Variants in IQCM observed in about 807,000 individuals in gnomAD.
IQCM encodes IQ domain-containing protein M.
Under a neutral mutation model 57.6 loss-of-function variants are expected in IQCM, and 45 were observed. The ratio of observed to expected loss-of-function variants is 0.78; its 90% CI spans 0.62 to 1.00. IQCM has a LOEUF of 1.00. Ranked by LOEUF, IQCM falls within the 50% of genes least tolerant of loss-of-function variation. The pLI is 0.00. For missense variants in IQCM, 468 were observed against 511.6 expected, an observed-to-expected ratio of 0.91 and a Z score of 0.82; for synonymous variants, 148 against 158.9, an observed-to-expected ratio of 0.93 and a Z score of 0.51.
At chr4:149,407,118 T>C (rs945453492) in intron 13 of IQCM, among the ~76,000 whole-genome samples, 1 of 152,088 alleles carries the variant, frequency 6.6e-6, no homozygotes, top group African/African-American at 2.4e-5. Context: ...ACTTACTCAC[T>C]ACGATGAGAA....
intron 13 of IQCM, among the ~76,000 whole-genome samples, chr4:149,384,687 C>T (rs1731295590): frequency 1.3e-5 from 2 of 151,970 alleles, no homozygotes; most frequent in African/African-American, 4.8e-5. Context: ...GAACCCCTCT[C>T]TAACTACACA....
intron 13 of IQCM, among the ~76,000 whole-genome samples, chr4:149,392,171 G>C (rs1280985044): frequency 6.7e-6 from 1 of 148,224 alleles, no homozygotes; most frequent in African/African-American, 2.5e-5. Flanking sequence ...GTAGGTTAAT[G>C]TATCTTATAG....
chr4:149,430,568 T>C (rs924791213), intron 13 of IQCM, among the ~76,000 whole-genome samples: 7 of 152,024 alleles, frequency 4.6e-5, no homozygotes, highest in Admixed American at 2.0e-4. Context: ...TTGCATTTTC[T>C]AGTATTTTAC....
At chr4:149,729,159 AAT>A (rs1491463497) in intron 5 of IQCM, among the ~76,000 whole-genome samples, 1 of 152,228 alleles carries the variant, frequency 6.6e-6, no homozygotes, top group Non-Finnish European at 1.5e-5. Context: ...TTGAATAGAC[AAT>A]GATTTTGTCC....
rs146914631 is a variant in IQCM, at chr4:149,378,208, C to T, written c.1391-26142G>A. Among the ~76,000 whole-genome samples the T allele has an allele frequency of 7.7e-3, 1,176 of 152,114 alleles. 23 individuals are homozygous for T. Among genetic ancestry groups the T allele is most frequent in the African/African-American group, 0.027 (1,117 of 41,490 alleles). ...TTAAAGGCTCTGTCTTCATCAGCAGCGTGAAAATGGACTAACACAGTAAAT... is the reference window on the plus strand; with the variant it reads ...TTAAAGGCTCTGTCTTCATCAGCAGTGTGAAAATGGACTAACACAGTAAAT... On this transcript the variant is annotated intron_variant, in intron 13 of 13. Transcript: ENST00000636793.
rs117211733 is a variant in IQCM, at chr4:149,796,397, A to G, written c.-49+18914T>C. 1.5e-4 allele frequency among the ~76,000 whole-genome samples: 23 copies of G among 152,316 alleles called. No individual in the cohort carries two copies. In the East Asian group the frequency reaches 4.3e-3, roughly 28 times the overall value. On this transcript the variant is annotated intron_variant, in intron 2 of 13. Transcript: ENST00000636793. ...TTAAGTGCCAGCTCAGCCTCAGTAC[A>G]GTAGAATACCAGGTAGACTTCTAAG...
intron 12 of IQCM, among the ~76,000 whole-genome samples, chr4:149,473,833 G>A (rs2149735376): frequency 6.6e-6 from 1 of 152,326 alleles, no homozygotes; most frequent in Non-Finnish European, 1.5e-5. Context: ...TAGGGACATG[G>A]ATGAAGCTGG....
chr4:149,606,555 T>A (rs937893891), intron 8 of IQCM, among the ~76,000 whole-genome samples: 1 of 152,110 alleles, frequency 6.6e-6, no homozygotes, highest in African/African-American at 2.4e-5. Context: ...CCTCACCAAA[T>A]TGACAAAATA....
At chr4:149,371,627 T>C in intron 13 of IQCM, among the ~76,000 whole-genome samples, 1 of 152,182 alleles carries the variant, frequency 6.6e-6, no homozygotes, top group East Asian at 1.9e-4. Flanking sequence ...CGATGAAAAC[T>C]AAGATTAGTC....
intron 12 of IQCM, among the ~76,000 whole-genome samples, chr4:149,544,562 A>G (rs550259085): frequency 1.3e-5 from 2 of 152,302 alleles, no homozygotes; most frequent in African/African-American, 4.8e-5. Context: ...ATTACATGAA[A>G]CTATAAAAGT....
intron 12 of IQCM, among the ~76,000 whole-genome samples, chr4:149,473,204 A>C (rs1310116650): frequency 6.6e-6 from 1 of 152,230 alleles, no homozygotes; most frequent in Non-Finnish European, 1.5e-5. Flanking sequence ...GAATGGGAGA[A>C]AAGTTTTGCA....
At chr4:149,549,397 A>T (rs981101713) in intron 11 of IQCM, among the ~76,000 whole-genome samples, 1 of 151,360 alleles carries the variant, frequency 6.6e-6, no homozygotes, top group Non-Finnish European at 1.5e-5. Flanking sequence ...GGGCGCCTGT[A>T]GTCCCAGCTA....
intron 5 of IQCM, among the ~76,000 whole-genome samples, chr4:149,702,446 A>C (rs1484148296): frequency 6.6e-6 from 1 of 151,922 alleles, no homozygotes; most frequent in Non-Finnish European, 1.5e-5. Flanking sequence ...AAACATGTTA[A>C]GACCCATAAA....
chr4:149,378,072 C>T (rs1485096306), intron 13 of IQCM, among the ~76,000 whole-genome samples: 1 of 152,142 alleles, frequency 6.6e-6, no homozygotes, highest in Non-Finnish European at 1.5e-5. Flanking sequence ...AAGAGGAACA[C>T]CCTTTCACTT....
chr4:149,730,885 A>G lies in IQCM; in HGVS notation c.385+2359T>C, dbSNP rs559861283. 3.3e-4 allele frequency among the ~76,000 whole-genome samples: 50 copies of G among 152,308 alleles called. No individual in the cohort carries two copies. The South Asian group carries it at 6.0e-3, about 18-fold the overall frequency. ...ATATCTTTTGTCTCTCATACCTCACATGTTAAATTAAACAAATGTTAGGTG... is the reference window on the plus strand; with the variant it reads ...ATATCTTTTGTCTCTCATACCTCACGTGTTAAATTAAACAAATGTTAGGTG... On this transcript the variant is annotated intron_variant, in intron 5 of 13. Transcript: ENST00000636793.
chr4:149,553,183 G>A lies in IQCM; in HGVS notation c.1053C>T (p.Leu351=), dbSNP rs371405467. Residue 351 remains leucine, a synonymous_variant, in exon 11 of 14, where the codon CTC becomes CTT. Coordinates refer to ENST00000636793, the MANE Select transcript of IQCM (RefSeq NM_001363507.2). The part of the protein sequence containing the change: ...RRGLWRTRQI[L]NLAELEEWMD... Reference sequence around the variant, plus strand: ...TCCACTCCTCTAGCTCTGCTAAGTTGAGAATTTGTCTTGTCCTCCAAAGAC... The same window carrying A: ...TCCACTCCTCTAGCTCTGCTAAGTTAAGAATTTGTCTTGTCCTCCAAAGAC... 1 of 1,231,952 alleles carries A rather than the reference G, an allele frequency of 8.1e-7. No homozygotes were observed. The highest frequency in any genetic ancestry group is 1.0e-6 in the Non-Finnish European group (1 of 987,868). 76.3% of individuals were successfully genotyped at this position (1,231,952 alleles called of 1,614,324 possible).
chr4:149,488,655 T>C (rs542172507), intron 12 of IQCM, among the ~76,000 whole-genome samples: 1 of 152,156 alleles, frequency 6.6e-6, no homozygotes, highest in South Asian at 2.1e-4. Flanking sequence ...GGACAGAAAA[T>C]AGTCAGATAT....
At chr4:149,773,892 A>T (rs1216366827) in intron 2 of IQCM, among the ~76,000 whole-genome samples, 3 of 152,102 alleles carry the variant, frequency 2.0e-5, no homozygotes, top group Non-Finnish European at 4.4e-5. Context: ...CTAAACCTAC[A>T]ATTGAAGATT....
intron 5 of IQCM, among the ~76,000 whole-genome samples, chr4:149,715,062 A>T (rs1331278422): frequency 3.3e-5 from 5 of 152,242 alleles, no homozygotes; most frequent in Non-Finnish European, 7.3e-5. Context: ...AAACAAAACC[A>T]TGGATAAGGA....
Sources: allele counts gnomAD v4.1 joint callset (sites outside exome capture counted in the v4.1 genomes callset), GRCh38; gene constraint gnomAD v4.1.1; transcripts MANE v1.5; gene names NCBI Gene and HGNC (gene_info 2026-07-23, HGNC 2026-07-21).